Variants in REDIC1 observed in about 807,000 individuals in gnomAD.
REDIC1 encodes the protein regulator of DNA class I crossover intermediates 1.
the REDIC1 span, chr12:39,759,925 C>A: frequency 1.2e-6 from 1 of 812,530 alleles, no homozygotes; most frequent in South Asian, 1.7e-5. Context: ...CAAAACTAGG[C>A]TGTGGAAAGA....
chr12:39,674,636 T>A, the REDIC1 span, among the ~76,000 whole-genome samples: 1 of 151,978 alleles, frequency 6.6e-6, no homozygotes, highest in African/African-American at 2.4e-5. Context: ...GAAATCCAGA[T>A]CATGGGAGAA....
chr12:39,652,570 T>C, the REDIC1 span, among the ~76,000 whole-genome samples: 3 of 152,140 alleles, frequency 2.0e-5, no homozygotes, highest in East Asian at 1.9e-4. Flanking sequence ...TGGTACCTTT[T>C]TGAAGTGCAA....
the REDIC1 span, among the ~76,000 whole-genome samples, chr12:39,895,631 T>TATGTATATGCGTGTATACGTACACAC: frequency 1.1e-4 from 16 of 141,440 alleles, 1 homozygote; most frequent in African/African-American, 3.1e-4. Flanking sequence ...CGTACACACA[T>TATGTATATGCGTGTATACGTACACAC]ATGTATATGC....
At chr12:39,707,590 A>G in the REDIC1 span, among the ~76,000 whole-genome samples, 1 of 151,952 alleles carries the variant, frequency 6.6e-6, no homozygotes, top group Non-Finnish European at 1.5e-5. Flanking sequence ...CACAATATCC[A>G]AGATTTGGAA....
the REDIC1 span, among the ~76,000 whole-genome samples, chr12:39,782,951 A>G: frequency 6.6e-6 from 1 of 152,096 alleles, no homozygotes; most frequent in East Asian, 1.9e-4. Context: ...TACATGTGCC[A>G]TGTTGGTGTG....
chr12:39,840,864 C>G, the REDIC1 span, among the ~76,000 whole-genome samples: 1 of 152,028 alleles, frequency 6.6e-6, no homozygotes, highest in African/African-American at 2.4e-5. Flanking sequence ...CAATAAATAC[C>G]TGTTGAGTAA....
At chr12:39,667,980 T>C in the REDIC1 span, among the ~76,000 whole-genome samples, 1 of 152,200 alleles carries the variant, frequency 6.6e-6, no homozygotes, top group Non-Finnish European at 1.5e-5. Context: ...GAGATGGGTC[T>C]CCTGAATACA....
At chr12:39,764,826 T>C in the REDIC1 span, 1 of 1,612,382 alleles carries the variant, frequency 6.2e-7, no homozygotes, top group Non-Finnish European at 8.5e-7. Flanking sequence ...CCAAAATATA[T>C]CTTCTGTTTT....
the REDIC1 span, among the ~76,000 whole-genome samples, chr12:39,903,806 A>C: frequency 3.3e-5 from 5 of 152,224 alleles, 1 homozygote; most frequent in Admixed American, 3.3e-4. Flanking sequence ...ATTTAGCTTA[A>C]GTTTTCTATC....
chr12:39,670,092 C>T, the REDIC1 span, among the ~76,000 whole-genome samples: 1 of 152,158 alleles, frequency 6.6e-6, no homozygotes, highest in Non-Finnish European at 1.5e-5. Context: ...GTGAGATGAA[C>T]CCGGTACCTC....
At chr12:39,865,018 A>G in the REDIC1 span, 4,470 of 750,920 alleles carry the variant, frequency 6.0e-3, 168 homozygotes, top group African/African-American at 0.072. Flanking sequence ...CTCTATCTTC[A>G]CTGGATTTTT....
chr12:39,630,519 G>A, the REDIC1 span, among the ~76,000 whole-genome samples: 1 of 152,150 alleles, frequency 6.6e-6, no homozygotes, highest in Non-Finnish European at 1.5e-5. Context: ...CCAGGTGTAA[G>A]TACAAAGTAA....
the REDIC1 span, chr12:39,643,796 C>T: frequency 6.5e-7 from 1 of 1,540,760 alleles, no homozygotes; most frequent in Non-Finnish European, 8.9e-7. Context: ...TTGAAAAACA[C>T]AGGTTAAAAT....
the REDIC1 span, among the ~76,000 whole-genome samples, chr12:39,704,625 A>G: frequency 6.6e-6 from 1 of 152,118 alleles, no homozygotes; most frequent in African/African-American, 2.4e-5. Flanking sequence ...ATGCACACGT[A>G]TGTTTATTGC....
the REDIC1 span, among the ~76,000 whole-genome samples, chr12:39,870,150 G>T: frequency 6.6e-6 from 1 of 152,118 alleles, no homozygotes; most frequent in Non-Finnish European, 1.5e-5. Context: ...GTTTTCCCCA[G>T]ATCTCAAAGG....
At chr12:39,753,781 T>C in the REDIC1 span, among the ~76,000 whole-genome samples, 1 of 152,166 alleles carries the variant, frequency 6.6e-6, no homozygotes, top group Non-Finnish European at 1.5e-5. Flanking sequence ...TTGCTTTCCA[T>C]GATTCATTGA....
the REDIC1 span, among the ~76,000 whole-genome samples, chr12:39,855,243 G>A: frequency 6.6e-6 from 1 of 151,952 alleles, no homozygotes; most frequent in Non-Finnish European, 1.5e-5. Context: ...AAGTATTCTG[G>A]CAACTGTATT....
At chr12:39,707,814 A>G in the REDIC1 span, among the ~76,000 whole-genome samples, 6 of 151,832 alleles carry the variant, frequency 4.0e-5, no homozygotes, top group Admixed American at 1.3e-4. Context: ...AACTTGCCTA[A>G]CTCCAGAAAA....
chr12:39,748,272 T>C, the REDIC1 span, among the ~76,000 whole-genome samples: 1 of 152,102 alleles, frequency 6.6e-6, no homozygotes, highest in Admixed American at 6.5e-5. Context: ...GGGGTTGCAA[T>C]CCTAGTCTCT....
Sources: allele counts gnomAD v4.1 joint callset (sites outside exome capture counted in the v4.1 genomes callset), GRCh38; gene constraint gnomAD v4.1.1; transcripts MANE v1.5; gene names NCBI Gene and HGNC (gene_info 2026-07-23, HGNC 2026-07-21).